NFIC: variants seen among roughly 807,000 people sequenced by gnomAD.
NFIC encodes the protein nuclear factor 1 C-type.
A neutral mutation model predicts 54.4 loss-of-function variants in NFIC; 12 were observed. The ratio of observed to expected loss-of-function variants is 0.22; its 90% confidence interval spans 0.14 to 0.36. The LOEUF (loss-of-function observed/expected upper bound fraction) is 0.36, where lower values mean the gene tolerates loss of function less well. NFIC is among the 10% of genes least tolerant of loss of function. The pLI is 1.00. For synonymous variants in NFIC, 322 were observed against 319.2 expected (o/e 1.01, Z -0.09); for missense variants, 575 against 718.2 (o/e 0.80, Z 2.28).
Position 3,452,377 on chromosome 19 carries a change from A to C in NFIC, c.1085-105A>C, listed in dbSNP as rs2082477874. 1 of 1,430,888 alleles carries C rather than the reference A, an allele frequency of 7.0e-7. No individual in the cohort carries two copies. The highest frequency in any genetic ancestry group is 9.6e-7 in the Non-Finnish European group (1 of 1,046,606). The allele number at this position is 1,430,888 out of a possible 1,614,324, so 88.6% of individuals were successfully genotyped here. A position where few individuals can be genotyped will look rare whatever the true frequency, so the allele number is the denominator to read the frequency against. On this transcript the variant is annotated intron_variant, in intron 7 of 10. Transcript: ENST00000443272. This position sits in a 1 kb window ranked among gnomAD's most constrained non-coding sequence, Gnocchi z 5.3. ...TTTGGTGGTTATTGTTACTAAACGC[A>C]CTGAGATGCCGGCAGGAATGACACC... is the stretch of plus-strand genomic sequence containing the variant.
intron 2 of NFIC, among the ~76,000 whole-genome samples, chr19:3,416,945 G>A (rs1291229212): frequency 1.3e-4 from 20 of 150,156 alleles, no homozygotes; most frequent in Non-Finnish European, 2.1e-4. Flanking sequence ...GTGCAGTGGC[G>A]CGATCTCGGC....
chr19:3,419,477 A>T (rs548952681), intron 2 of NFIC, among the ~76,000 whole-genome samples: 8 of 151,976 alleles, frequency 5.3e-5, no homozygotes, highest in African/African-American at 1.9e-4. Context: ...CTGTCTCAAA[A>T]ACAAAATTAG....
Position 3,436,458 on chromosome 19 carries a change from C to T in NFIC, c.958+1251C>T, listed in dbSNP as rs186442964. Among the ~76,000 whole-genome samples, 15 of 150,360 alleles carry T rather than the reference C, an allele frequency of 1.0e-4. No homozygotes were observed. In the East Asian group the frequency reaches 2.2e-3, roughly 22 times the overall value. The stretch of plus-strand genomic sequence containing the variant: ...GGATTCCAGGTGTGAGCCACCATGC[C>T]GGGCCCCTCTTATTTTTTTTTAATT... On this transcript the variant is annotated intron_variant, in intron 6 of 10. Transcript: ENST00000443272.
At chr19:3,361,101 G>C (rs1009212007) in intron 1 of NFIC, among the ~76,000 whole-genome samples, 10 of 152,200 alleles carry the variant, frequency 6.6e-5, no homozygotes, top group Non-Finnish European at 1.0e-4. Context: ...ACTTCCCCCA[G>C]CCTTCGGGGT....
chr19:3,423,197 CA>C (rs1568439220), intron 2 of NFIC, among the ~76,000 whole-genome samples: 1 of 151,654 alleles, frequency 6.6e-6, no homozygotes, highest in South Asian at 2.1e-4. Flanking sequence ...GACCCTGTCT[CA>C]AAAAAATAAA....
rs1228563994 is a variant in NFIC at position 3,434,271 on chromosome 19, C to T, written c.710-6C>T. 6.2e-7 allele frequency: 1 copy of T among 1,607,346 alleles called. No individual in the cohort carries two copies. Among genetic ancestry groups the T allele is most frequent in the Non-Finnish European group, 8.5e-7 (1 of 1,178,164 alleles). On this transcript the variant is annotated splice_polypyrimidine_tract_variant and splice_region_variant and intron_variant, in intron 4 of 10. Coordinates refer to ENST00000443272, the MANE Select transcript of NFIC (RefSeq NM_001245002.2). The stretch of plus-strand genomic sequence containing the variant: ...CTGCCTCACTCTCCTCTGTCACCCT[C>T]TGCAGCACCCGTGGTGACTGGAACA...
In NFIC at chr19:3,463,706, A is replaced by G. The variant is rs1279408139; in HGVS notation, c.*937A>G. ...AAAGGGAGGGACCCACATTGCACAC[A>G]CTGTAAGAAATGCACTTTCCGAGGA... On this transcript the variant is annotated 3_prime_UTR_variant, in exon 11 of 11. Transcript: ENST00000443272. The G allele has an allele frequency of 1.0e-6, 1 of 975,862 alleles. No individual in the cohort carries two copies. The highest frequency in any genetic ancestry group is 1.9e-5 in the African/African-American group (1 of 54,010). 60.5% of individuals were successfully genotyped at this position (975,862 alleles called of 1,614,324 possible).
At position 3,463,634 on chromosome 19, in the gene NFIC, C is replaced by T. The variant is rs1359223186; in HGVS notation, c.*865C>T. On this transcript the variant is annotated 3_prime_UTR_variant, in exon 11 of 11. Coordinates refer to ENST00000443272, the MANE Select transcript of NFIC (RefSeq NM_001245002.2). ...AATTGGCCCCGGCCCCTCCACCCCC[C>T]ACCCCCGGCATAGGAGGCCCCCCCA... is the stretch of plus-strand genomic sequence containing the variant. 1.9e-5 allele frequency: 19 copies of T among 981,558 alleles called. No homozygotes were observed. In the African/African-American group the frequency reaches 1.9e-4, roughly 10 times the overall value. 60.8% of individuals were successfully genotyped at this position (981,558 alleles called of 1,614,324 possible).
chr19:3,376,288 GGGCATGGT>G (rs1247845404), intron 1 of NFIC, among the ~76,000 whole-genome samples: 3 of 150,388 alleles, frequency 2.0e-5, no homozygotes, highest in Non-Finnish European at 3.0e-5. Context: ...AAAATTAGCT[GGGCATGGT>G]GGCGCACCTG....
Position 3,464,312 on chromosome 19 carries a change from C to CAGCCGTGTAGGGGGCCTCCCAT in NFIC, c.*1544_*1565dup. ...CGGCGTCGCACCTTGGGGCCCCCCG[C>CAGCCGTGTAGGGGGCCTCCCAT]AGCCGTGTAGGGGGCCTCCCATCTG... On this transcript the variant is annotated 3_prime_UTR_variant, in exon 11 of 11. Coordinates refer to ENST00000443272, the MANE Select transcript of NFIC (RefSeq NM_001245002.2). 1.0e-6 allele frequency: 1 copy of CAGCCGTGTAGGGGGCCTCCCAT among 985,260 alleles called. No individual in the cohort carries two copies. The highest frequency in any genetic ancestry group is 1.2e-6 in the Non-Finnish European group (1 of 829,840). 61.0% of individuals were successfully genotyped at this position (985,260 alleles called of 1,614,324 possible).
intron 2 of NFIC, among the ~76,000 whole-genome samples, chr19:3,391,674 G>C (rs1466979128): frequency 6.6e-6 from 1 of 151,952 alleles, no homozygotes; most frequent in Non-Finnish European, 1.5e-5. Flanking sequence ...GCGCGTGCCT[G>C]TAATCCCAGC....
intron 2 of NFIC, chr19:3,410,580 A>G: frequency 6.5e-6 from 1 of 152,764 alleles, no homozygotes. Context: ...CGGGCCATGC[A>G]GGGCCTTGTG....
chr19:3,399,954 G>A (rs2081528556), intron 2 of NFIC, among the ~76,000 whole-genome samples: 1 of 152,084 alleles, frequency 6.6e-6, no homozygotes, highest in Non-Finnish European at 1.5e-5. Context: ...GGAGGCTGAG[G>A]CGGGAGGATC....
intron 2 of NFIC, among the ~76,000 whole-genome samples, chr19:3,398,136 G>A (rs564000519): frequency 4.9e-4 from 75 of 152,266 alleles, no homozygotes; most frequent in African/African-American, 1.6e-3. Context: ...GCATTCATCC[G>A]CCGTGCAGAC....
chr19:3,433,980 G>A (rs1420557149), intron 4 of NFIC, among the ~76,000 whole-genome samples: 3 of 152,016 alleles, frequency 2.0e-5, no homozygotes, highest in Admixed American at 6.6e-5. Context: ...CCACCCCAGC[G>A]AGTCCTGGGC....
intron 2 of NFIC, among the ~76,000 whole-genome samples, chr19:3,413,195 C>T (rs748339048): frequency 3.3e-5 from 5 of 152,092 alleles, no homozygotes; most frequent in Admixed American, 6.6e-5. Flanking sequence ...GTGATCTACT[C>T]ACCTCAGCCT....
At chr19:3,447,064 C>T (rs1201078981) in intron 6 of NFIC, among the ~76,000 whole-genome samples, 2 of 152,012 alleles carry the variant, frequency 1.3e-5, no homozygotes, top group African/African-American at 4.8e-5. Context: ...TTTGGGAGGC[C>T]GAGGTGGGTG....
intron 6 of NFIC, among the ~76,000 whole-genome samples, chr19:3,441,015 G>T (rs2082285889): frequency 6.6e-6 from 1 of 152,008 alleles, no homozygotes; most frequent in African/African-American, 2.4e-5. Context: ...AGAGTTCCCT[G>T]TGTTGCCCAG....
chr19:3,463,619 G>GC lies in NFIC; in HGVS notation c.*850_*851insC. The stretch of plus-strand genomic sequence containing the variant: ...GAGAAGTCTCTATGCAATTGGCCCC[G>GC]GCCCCTCCACCCCCCACCCCCGGCA... On this transcript the variant is annotated 3_prime_UTR_variant, in exon 11 of 11. Coordinates refer to ENST00000443272, the MANE Select transcript of NFIC (RefSeq NM_001245002.2). 5 of 305,628 alleles carry GC rather than the reference G, an allele frequency of 1.6e-5. No individual in the cohort carries two copies. The highest frequency in any genetic ancestry group is 1.7e-5 in the Non-Finnish European group (4 of 240,364). The allele number at this position is 305,628 out of a possible 1,614,324, so 18.9% of individuals were successfully genotyped here. A position where few individuals can be genotyped will look rare whatever the true frequency, so the allele number is the denominator to read the frequency against.
Sources: gnomAD v4.1 joint callset for allele counts (sites outside exome capture counted in the v4.1 genomes callset) on GRCh38, gnomAD v4.1.1 for gene constraint, Gnocchi (gnomAD v3.1) non-coding constraint, MANE v1.5 for transcripts, NCBI Gene and HGNC (gene_info 2026-07-23, HGNC 2026-07-21) for gene names.